TUSC3: variants seen among roughly 807,000 people sequenced by gnomAD.
TUSC3 encodes the protein tumor suppressor candidate 3.
In TUSC3, 45 loss-of-function variants were observed where a neutral mutation model predicts 44.8. The observed-to-expected ratio is 1.00, with a 90% CI of 0.79 to 1.29. The LOEUF is 1.29. Ranked by LOEUF, TUSC3 falls within the 50% of genes most tolerant of loss-of-function variation. TUSC3 has a pLI of 0.00. For synonymous variants in TUSC3, 212 were observed against 152.9 expected, an observed-to-expected ratio of 1.39 and a Z score of -2.85; for missense variants, 519 against 437.9, an observed-to-expected ratio of 1.19 and a Z score of -1.65.
rs369713298 is a variant in TUSC3, at chr8:15,673,766, C to G, written c.728C>G (p.Thr243Ser). 3.7e-6 allele frequency: 6 copies of G among 1,612,692 alleles called. No homozygotes were observed. The African/African-American group carries it at 5.3e-5, about 14-fold the overall frequency. Residue 243 changes from threonine (T) to serine (S), a missense_variant, in exon 6 of 11, where the codon ACT (threonine) becomes AGT (serine). By Grantham distance (58) the Thr-to-Ser change is moderately conservative. Coordinates refer to ENST00000503731, the MANE Select transcript of TUSC3 (RefSeq NM_006765.4). ...MVSLCIVFAM[T>S]SGQMWNHIRG... ...TTTCAGTGTATAGTCTTTGCTATGA[C>G]TTCTGGCCAGATGTGGAACCATATC...
chr8:15,426,984 T>C (rs1799810900), intron 1 of TUSC3, among the ~76,000 whole-genome samples: 1 of 152,164 alleles, frequency 6.6e-6, no homozygotes, highest in African/African-American at 2.4e-5. Flanking sequence ...GAGGGTATTT[T>C]CATATACCTG....
intron 2 of TUSC3, among the ~76,000 whole-genome samples, chr8:15,492,228 A>G (rs2129125927): frequency 6.6e-6 from 1 of 152,276 alleles, no homozygotes; most frequent in East Asian, 1.9e-4. Flanking sequence ...TACGTTAATA[A>G]TATGAAGAGC....
chr8:15,483,317 TTTG>T (rs900012506), intron 1 of TUSC3: 49 of 220,354 alleles, frequency 2.2e-4, no homozygotes, highest in South Asian at 4.7e-4. Context: ...AAGCACTGTT[TTTG>T]TTGTTGTTGT....
the TUSC3 span, among the ~76,000 whole-genome samples, chr8:15,843,615 T>C: frequency 0.099 from 14,202 of 143,092 alleles, 849 homozygotes; most frequent in Middle Eastern, 0.22. Context: ...TATATATATA[T>C]ATATATACAC....
At chr8:15,699,769 C>T (rs1012945234) in intron 6 of TUSC3, among the ~76,000 whole-genome samples, 1 of 151,946 alleles carries the variant, frequency 6.6e-6, no homozygotes, top group African/African-American at 2.4e-5. Flanking sequence ...AAGCGTTGTA[C>T]AGGAAAAGTC....
the TUSC3 span, among the ~76,000 whole-genome samples, chr8:15,848,057 T>C: frequency 0.013 from 1,944 of 152,266 alleles, 35 homozygotes; most frequent in African/African-American, 0.044. Flanking sequence ...GGACTCACTA[T>C]AGGAGGGTAC....
chr8:15,680,487 G>A (rs34672838), intron 6 of TUSC3, among the ~76,000 whole-genome samples: 31,779 of 151,934 alleles, frequency 0.21, 4,245 homozygotes, highest in Non-Finnish European at 0.3. Context: ...AAAGCCTTTT[G>A]GTAGAGTATT....
intron 10 of TUSC3, among the ~76,000 whole-genome samples, chr8:15,762,551 G>C (rs180981958): frequency 3.3e-5 from 5 of 151,976 alleles, no homozygotes; most frequent in African/African-American, 4.8e-5. Context: ...TTTTACAGGG[G>C]TAATATCGTT....
the TUSC3 span, among the ~76,000 whole-genome samples, chr8:15,800,821 CA>C: frequency 1.3e-5 from 2 of 152,024 alleles, no homozygotes; most frequent in Non-Finnish European, 2.9e-5. Context: ...CTTAACTTGC[CA>C]CAGTTTTCAT....
chr8:15,760,195 TC>T (rs1387110239), intron 10 of TUSC3, among the ~76,000 whole-genome samples: 1 of 152,138 alleles, frequency 6.6e-6, no homozygotes, highest in African/African-American at 2.4e-5. Context: ...ACATGTTCCT[TC>T]TAGAAGATAC....
At chr8:15,683,884 A>G (rs1808519089) in intron 6 of TUSC3, among the ~76,000 whole-genome samples, 1 of 152,048 alleles carries the variant, frequency 6.6e-6, no homozygotes, top group Non-Finnish European at 1.5e-5. Context: ...GTTTCTGAGT[A>G]CTTTCATATG....
chr8:15,784,553 C>T, the TUSC3 span, among the ~76,000 whole-genome samples: 1 of 151,828 alleles, frequency 6.6e-6, no homozygotes, highest in African/African-American at 2.4e-5. Context: ...TGTATGCACA[C>T]ACACACACCG....
chr8:15,487,132 CTGTT>C lies in TUSC3; in HGVS notation n.189+3659_189+3662del, dbSNP rs375570084. 6.2e-3 allele frequency among the ~76,000 whole-genome samples: 944 copies of C among 152,194 alleles called. 3 individuals are homozygous for C. Among genetic ancestry groups the C allele is most frequent in the African/African-American group, 9.5e-3 (395 of 41,524 alleles). On this transcript the variant is annotated intron_variant and non_coding_transcript_variant, in intron 2 of 5. Transcript: ENST00000503191. ...CCTATTAAATTTGAGGAATATTTTC[CTGTT>C]TGTTTGTTTAGTTTTATTGTGTTTT...
intron 1 of TUSC3, among the ~76,000 whole-genome samples, chr8:15,452,602 G>A (rs1800208678): frequency 6.6e-6 from 1 of 152,178 alleles, no homozygotes; most frequent in Non-Finnish European, 1.5e-5. Flanking sequence ...AAGCAGATAA[G>A]CTATAAGGCA....
chr8:15,602,846 C>G (rs1804348699), intron 1 of TUSC3, among the ~76,000 whole-genome samples: 1 of 151,282 alleles, frequency 6.6e-6, no homozygotes, highest in African/African-American at 2.4e-5. Context: ...AAAAAAGGAA[C>G]TGAAAGTGAT....
intron 1 of TUSC3, among the ~76,000 whole-genome samples, chr8:15,554,682 A>C (rs926118043): frequency 1.4e-5 from 2 of 144,380 alleles, no homozygotes; most frequent in African/African-American, 5.1e-5. Context: ...AGCTCACTGC[A>C]AGCTCTGCCT....
chr8:15,776,518 G>A, the TUSC3 span, among the ~76,000 whole-genome samples: 136 of 152,154 alleles, frequency 8.9e-4, 2 homozygotes, highest in East Asian at 0.023. Context: ...GCCCATGTCT[G>A]TCTATTCATA....
chr8:15,625,841 C>G (rs1310361112), intron 2 of TUSC3, among the ~76,000 whole-genome samples: 1 of 152,090 alleles, frequency 6.6e-6, no homozygotes, highest in East Asian at 1.9e-4. Context: ...ACATGGTGAG[C>G]AAAATATTTT....
At chr8:15,636,980 G>A (rs1217736354) in intron 2 of TUSC3, among the ~76,000 whole-genome samples, 1 of 151,994 alleles carries the variant, frequency 6.6e-6, no homozygotes, top group Non-Finnish European at 1.5e-5. Context: ...TTTGCCTTGT[G>A]GGCCAAAGTA....
Sources: allele counts gnomAD v4.1 joint callset (sites outside exome capture counted in the v4.1 genomes callset), GRCh38; gene constraint gnomAD v4.1.1; transcripts MANE v1.5; gene names NCBI Gene and HGNC (gene_info 2026-07-23, HGNC 2026-07-21).